Variants in FBRSL1 observed in about 807,000 individuals in gnomAD.
FBRSL1 encodes the protein fibrosin like 1, also known as fibrosin-1-like protein.
FBRSL1 carries 51 observed loss-of-function variants against 89.6 expected under a neutral mutation model. The observed-to-expected ratio is 0.57, with a 90% CI of 0.45 to 0.72. The LOEUF (loss-of-function observed/expected upper bound fraction) is 0.72. FBRSL1 is among the 30% of genes least tolerant of loss of function. The pLI is 0.00. For missense variants in FBRSL1, 1,618 were observed against 1,451.8 expected, an observed-to-expected ratio of 1.11 and a Z score of -1.86; for synonymous variants, 779 against 681.1, an observed-to-expected ratio of 1.14 and a Z score of -2.24.
At position 132,583,886 on chromosome 12, in the gene FBRSL1, C is replaced by A; in HGVS notation, c.*108C>A. 2 of 528,756 alleles carry A rather than the reference C, an allele frequency of 3.8e-6. No homozygotes were observed. The highest frequency in any genetic ancestry group is 5.6e-5 in the East Asian group (1 of 17,728). 32.8% of individuals were successfully genotyped at this position (528,756 alleles called of 1,614,324 possible). On this transcript the variant is annotated 3_prime_UTR_variant, in exon 19 of 19. Coordinates refer to ENST00000680143, the MANE Select transcript of FBRSL1 (RefSeq NM_001367871.1). ...CGCCGATCCTGGGGCGGCGCCGCCT[C>A]TCCACCCGCAGCCTGCGGAGGCGGG...
At chr12:132,505,875 A>G (rs563115369) in intron 1 of FBRSL1, among the ~76,000 whole-genome samples, 1 of 152,366 alleles carries the variant, frequency 6.6e-6, no homozygotes, top group African/African-American at 2.4e-5. Flanking sequence ...TAGCAGGCGA[A>G]GCGCTGGCTG....
At chr12:132,528,071 A>C in intron 4 of FBRSL1, 83 bp downstream of exon 4, 2 of 1,282,870 alleles carry the variant, frequency 1.6e-6, no homozygotes, top group South Asian at 2.5e-5. Flanking sequence ...CCGAGGCCCC[A>C]CAACTTAGCT....
intron 4 of FBRSL1, among the ~76,000 whole-genome samples, chr12:132,540,953 T>C (rs1593410176): frequency 6.6e-6 from 1 of 152,174 alleles, no homozygotes; most frequent in African/African-American, 2.4e-5. Context: ...CTGATACTGC[T>C]GTGACACTGG....
chr12:132,570,768 C>T (rs879814961), intron 8 of FBRSL1, among the ~76,000 whole-genome samples: 3 of 152,214 alleles, frequency 2.0e-5, no homozygotes, highest in Non-Finnish European at 2.9e-5. Flanking sequence ...CACGTACAGA[C>T]GCGTGTTCAC....
intron 4 of FBRSL1, among the ~76,000 whole-genome samples, chr12:132,529,002 T>A (rs943110218): frequency 6.6e-6 from 1 of 152,008 alleles, no homozygotes; most frequent in Non-Finnish European, 1.5e-5. Flanking sequence ...TCCCCTGCCC[T>A]CCTCATGACT....
intron 1 of FBRSL1, among the ~76,000 whole-genome samples, chr12:132,502,291 T>G (rs923859797): frequency 6.6e-6 from 1 of 152,228 alleles, no homozygotes; most frequent in African/African-American, 2.4e-5. Flanking sequence ...TCCAGCCCTT[T>G]GTCACCTCCC....
At chr12:132,526,677 A>G (rs4883568) in intron 3 of FBRSL1, among the ~76,000 whole-genome samples, 45,156 of 151,994 alleles carry the variant, frequency 0.3, 7,236 homozygotes, top group East Asian at 0.52. Flanking sequence ...AGAGTGGAGG[A>G]CTGCCGTCAG....
intron 4 of FBRSL1, among the ~76,000 whole-genome samples, chr12:132,536,966 C>T (rs2036815454): frequency 6.6e-6 from 1 of 152,190 alleles, no homozygotes. Flanking sequence ...GTAACGATCA[C>T]AGTGAGGCCA....
rs2032562181 is a variant in FBRSL1 at position 132,499,222 on chromosome 12, G to A, written c.291+8361G>A. On this transcript the variant is annotated intron_variant, in intron 1 of 18. Coordinates refer to ENST00000680143, the MANE Select transcript of FBRSL1 (RefSeq NM_001367871.1). This position sits in a 1 kb window ranked among gnomAD's most constrained non-coding sequence, Gnocchi z 4.3. Reference sequence around the variant, plus strand: ...GGGCCGGCCAGGCAGGGATGGTGCCGGGCAGGGGTGGTGCCGGGCAGGGGT... The same window carrying A: ...GGGCCGGCCAGGCAGGGATGGTGCCAGGCAGGGGTGGTGCCGGGCAGGGGT... Among the ~76,000 whole-genome samples the A allele has an allele frequency of 6.6e-6, 1 of 151,722 alleles. No individual in the cohort carries two copies. Among genetic ancestry groups the A allele is most frequent in the African/African-American group, 2.4e-5 (1 of 41,234 alleles).
rs1251253311 is a variant in FBRSL1 at position 132,499,732 on chromosome 12, G to A, written c.292-8421G>A. On this transcript the variant is annotated intron_variant, in intron 1 of 18. Coordinates refer to ENST00000680143, the MANE Select transcript of FBRSL1 (RefSeq NM_001367871.1). This position sits in a 1 kb window ranked among gnomAD's most constrained non-coding sequence, Gnocchi z 4.3. ...GGGGGCTGCAGGGCTGGGGGGTGGG[G>A]CGCTGCGCAGCACCTAAACTCCGTG... Among the ~76,000 whole-genome samples the A allele has an allele frequency of 6.6e-6, 1 of 151,956 alleles. No individual in the cohort carries two copies. Among genetic ancestry groups the A allele is most frequent in the Non-Finnish European group, 1.5e-5 (1 of 67,954 alleles).
intron 1 of FBRSL1, among the ~76,000 whole-genome samples, chr12:132,491,084 C>T (rs902354312): frequency 3.9e-5 from 6 of 152,318 alleles, no homozygotes; most frequent in South Asian, 4.1e-4. Context: ...GGTTTGGGGA[C>T]GTTTTAAGTT....
intron 4 of FBRSL1, among the ~76,000 whole-genome samples, chr12:132,530,998 G>GC (rs889162833): frequency 2.0e-5 from 3 of 150,368 alleles, no homozygotes; most frequent in Non-Finnish European, 4.5e-5. Flanking sequence ...CCAGTGTGGG[G>GC]GGGGGGGTGC....
chr12:132,572,760 G>C (rs1271343646), intron 11 of FBRSL1, 138 bp downstream of exon 11: 1 of 679,362 alleles, frequency 1.5e-6, no homozygotes, highest in Non-Finnish European at 2.5e-6. Flanking sequence ...CTGGGTGCTG[G>C]CGTGAGCAGC....
intron 4 of FBRSL1, among the ~76,000 whole-genome samples, chr12:132,536,925 A>G (rs1414021023): frequency 6.6e-6 from 1 of 152,230 alleles, no homozygotes; most frequent in Non-Finnish European, 1.5e-5. Flanking sequence ...GCATGCATGT[A>G]TATGTGATCA....
intron 3 of FBRSL1, among the ~76,000 whole-genome samples, chr12:132,527,071 G>A (rs1228143054): frequency 2.0e-5 from 3 of 152,120 alleles, no homozygotes; most frequent in Non-Finnish European, 4.4e-5. Flanking sequence ...ATGTCTGAGG[G>A]GCCCCCAGCT....
At chr12:132,569,704 C>T (rs941140266) in intron 6 of FBRSL1, among the ~76,000 whole-genome samples, 1 of 152,178 alleles carries the variant, frequency 6.6e-6, no homozygotes, top group African/African-American at 2.4e-5. Context: ...CTGGCCACGG[C>T]CCAGGCTCCC....
In FBRSL1 at chr12:132,499,339, G is replaced by A. The variant is rs919183406; in HGVS notation, c.291+8478G>A. Among the ~76,000 whole-genome samples, 1 of 150,142 alleles carries A rather than the reference G, an allele frequency of 6.7e-6. No homozygotes were observed. Among genetic ancestry groups the A allele is most frequent in the South Asian group, 2.1e-4 (1 of 4,670 alleles). Reference sequence around the variant, plus strand: ...GTGGTGCTGGGCAGCAGTGGTGCTGGACCTCTGGGAGAGGCCAGGTGAGCC... The same window carrying A: ...GTGGTGCTGGGCAGCAGTGGTGCTGAACCTCTGGGAGAGGCCAGGTGAGCC... On this transcript the variant is annotated intron_variant, in intron 1 of 18. Transcript: ENST00000680143. The surrounding 1 kb of genome is among the most constrained non-coding windows in gnomAD (Gnocchi z 4.3).
chr12:132,567,212 C>G (rs1313059010), intron 5 of FBRSL1, among the ~76,000 whole-genome samples: 1 of 152,204 alleles, frequency 6.6e-6, no homozygotes, highest in Non-Finnish European at 1.5e-5. Context: ...CCGATCCCCC[C>G]ACAAACCCCG....
At chr12:132,520,425 T>C (rs1038125190) in intron 2 of FBRSL1, among the ~76,000 whole-genome samples, 3 of 152,178 alleles carry the variant, frequency 2.0e-5, no homozygotes, top group African/African-American at 7.2e-5. Context: ...GTCACTTCCT[T>C]TCCCCATCAG....
Sources: allele counts gnomAD v4.1 joint callset (sites outside exome capture counted in the v4.1 genomes callset), GRCh38; gene constraint gnomAD v4.1.1; non-coding constraint Gnocchi (gnomAD v3.1); transcripts MANE v1.5; gene names NCBI Gene and HGNC (gene_info 2026-07-23, HGNC 2026-07-21).